TLN2: variants seen among roughly 807,000 people sequenced by gnomAD.
The protein encoded by TLN2 is talin-2.
TLN2 carries 118 observed loss-of-function variants against 294.7 expected under a neutral mutation model. That is an observed-to-expected ratio of 0.40 (90% confidence interval 0.34 to 0.47). The LOEUF (loss-of-function observed/expected upper bound fraction) is 0.47, where lower values mean the gene tolerates loss of function less well. TLN2 is among the 20% of genes least tolerant of loss of function. The pLI, the probability that TLN2 is intolerant of heterozygous loss-of-function variation, is 0.84. For synonymous variants in TLN2, 1,431 were observed against 1,304.5 expected (o/e 1.10, Z -2.09); for missense variants, 3,083 against 3,282.2 (o/e 0.94, Z 1.48).
At chr15:62,481,364 C>T (rs1255927084) in intron 1 of TLN2, among the ~76,000 whole-genome samples, 1 of 152,096 alleles carries the variant, frequency 6.6e-6, no homozygotes, top group Non-Finnish European at 1.5e-5. Context: ...ACTTGTGACC[C>T]CTTGTGTGTG....
chr15:62,464,317 G>A (rs2036984130), intron 1 of TLN2, among the ~76,000 whole-genome samples: 1 of 152,218 alleles, frequency 6.6e-6, no homozygotes, highest in South Asian at 2.1e-4. Flanking sequence ...GCAAACTATC[G>A]CAAGGACAGA....
chr15:62,764,103 G>T (rs1411700613), intron 40 of TLN2, among the ~76,000 whole-genome samples: 1 of 152,160 alleles, frequency 6.6e-6, no homozygotes, highest in Non-Finnish European at 1.5e-5. Context: ...GGCCAATTCA[G>T]CATTAAACGA....
chr15:62,739,510 C>A lies in TLN2; in HGVS notation c.3850C>A (p.Leu1284Ile), dbSNP rs1567499989. 4 of 1,614,166 alleles carry A rather than the reference C, an allele frequency of 2.5e-6. No homozygotes were observed. The highest frequency in any genetic ancestry group is 2.5e-6 in the Non-Finnish European group (3 of 1,180,030). ...GTTCAGTGATGATTTTGATGAATTC[C>A]TCGATGCTGGCATTGAGATGGCTGG... ...GKFSDDFDEFLDAGIEMAGQA... is the reference protein window; with the variant it reads ...GKFSDDFDEFIDAGIEMAGQA... Residue 1284 changes from leucine (L) to isoleucine (I), a missense_variant, in exon 31 of 59, where the codon CTC (leucine) becomes ATC (isoleucine). Transcript: ENST00000636159.
chr15:62,428,088 A>G (rs962445228), intron 1 of TLN2, among the ~76,000 whole-genome samples: 1 of 152,148 alleles, frequency 6.6e-6, no homozygotes, highest in Non-Finnish European at 1.5e-5. Flanking sequence ...CCCCTCCACA[A>G]TTCTGGTCTT....
rs936213429 is a variant in TLN2 at position 62,783,571 on chromosome 15, G to T, written c.5617-200G>T. Reference sequence around the variant, plus strand: ...CCCTGCGAGGGCTCTGGCCTTTTGTGTGCAATGCAGCATGGGCTTGGCTTG... The same window carrying T: ...CCCTGCGAGGGCTCTGGCCTTTTGTTTGCAATGCAGCATGGGCTTGGCTTG... On this transcript the variant is annotated intron_variant, in intron 44 of 58. Coordinates refer to ENST00000636159, the MANE Select transcript of TLN2 (RefSeq NM_015059.3). Among the ~76,000 whole-genome samples, 9 of 152,228 alleles carry T rather than the reference G, an allele frequency of 5.9e-5. No individual in the cohort carries two copies.
chr15:62,479,342 T>C (rs1359013774), intron 1 of TLN2, among the ~76,000 whole-genome samples: 4 of 152,240 alleles, frequency 2.6e-5, no homozygotes, highest in Non-Finnish European at 5.9e-5. Flanking sequence ...TTCAGAGCTA[T>C]GCCCTTAGAC....
intron 32 of TLN2, among the ~76,000 whole-genome samples, chr15:62,745,779 T>G (rs1444682871): frequency 6.6e-6 from 1 of 152,262 alleles, no homozygotes; most frequent in Non-Finnish European, 1.5e-5. Flanking sequence ...AACATAAATA[T>G]TGTTTTTCAT....
At chr15:62,554,515 A>G (rs564834836) in intron 1 of TLN2, among the ~76,000 whole-genome samples, 1 of 152,112 alleles carries the variant, frequency 6.6e-6, no homozygotes, top group Admixed American at 6.5e-5. Flanking sequence ...AAAACTCAGG[A>G]GAATTGTAGA....
intron 1 of TLN2, among the ~76,000 whole-genome samples, chr15:62,478,295 A>G (rs1182798991): frequency 2.0e-5 from 3 of 152,072 alleles, no homozygotes; most frequent in African/African-American, 7.2e-5. Context: ...TAGAAGTGGG[A>G]TTTTACAGCT....
chr15:62,641,893 A>G (rs1184379200), intron 3 of TLN2, among the ~76,000 whole-genome samples: 2 of 152,202 alleles, frequency 1.3e-5, no homozygotes, highest in Non-Finnish European at 1.5e-5. Context: ...ACAGGCATTT[A>G]TTTTGAAGAG....
intron 54 of TLN2, among the ~76,000 whole-genome samples, chr15:62,823,753 G>C (rs1181816503): frequency 6.6e-6 from 1 of 152,320 alleles, no homozygotes; most frequent in South Asian, 2.1e-4. Flanking sequence ...CGTTGAATCT[G>C]CTGTTCACCT....
intron 28 of TLN2, among the ~76,000 whole-genome samples, chr15:62,727,994 A>C (rs2060528273): frequency 6.6e-6 from 1 of 152,122 alleles, no homozygotes; most frequent in South Asian, 2.1e-4. Flanking sequence ...TAATATATGC[A>C]CAGAAGACAG....
At chr15:62,809,700 T>C (rs927931810) in intron 51 of TLN2, among the ~76,000 whole-genome samples, 59 of 152,222 alleles carry the variant, frequency 3.9e-4, no homozygotes, top group Non-Finnish European at 4.0e-4. Flanking sequence ...TTCTATCGTT[T>C]GGCCCCAGGG....
In TLN2 at chr15:62,513,270, C is replaced by T. The variant is rs2040022211; in HGVS notation, c.-237-76417C>T. ...CTGTGCTTTTCCTTTGCTTGCTGTG[C>T]CTGTCTACCTGTTGCCAGATGTTGA... On this transcript the variant is annotated intron_variant, in intron 1 of 58. Coordinates refer to ENST00000636159, the MANE Select transcript of TLN2 (RefSeq NM_015059.3). 1.3e-5 allele frequency among the ~76,000 whole-genome samples: 2 copies of T among 152,150 alleles called. 1 individual carries two copies. The highest frequency in any genetic ancestry group is 4.1e-4 in the South Asian group (2 of 4,826).
chr15:62,700,770 ATGATGAAACAT>A (rs567768428), intron 16 of TLN2, among the ~76,000 whole-genome samples: 23 of 152,346 alleles, frequency 1.5e-4, no homozygotes, highest in Admixed American at 2.6e-4. Context: ...GTGCAGTATT[ATGATGAAACAT>A]TGATTTTTCT....
At chr15:62,742,049 GTGTGTGTGTGTGTGTGTGTGT>G (rs1277932317) in intron 32 of TLN2, among the ~76,000 whole-genome samples, 3 of 149,546 alleles carry the variant, frequency 2.0e-5, no homozygotes, top group Non-Finnish European at 3.0e-5. Context: ...GTGTGTGTGT[GTGTGTGTGTGTGTGTGTGTGT>G]GTGTGAAGGG....
chr15:62,404,663 A>G (rs963687891), intron 1 of TLN2, among the ~76,000 whole-genome samples: 3 of 152,140 alleles, frequency 2.0e-5, no homozygotes, highest in African/African-American at 7.2e-5. Context: ...AAATGAGGCT[A>G]TTTCCCAAGT....
chr15:62,704,664 G>C (rs567130753), intron 19 of TLN2, among the ~76,000 whole-genome samples: 1 of 152,212 alleles, frequency 6.6e-6, no homozygotes, highest in South Asian at 2.1e-4. Flanking sequence ...ATGATGGGTG[G>C]TAGGAATATT....
chr15:62,439,429 C>T (rs1307616141), intron 1 of TLN2, among the ~76,000 whole-genome samples: 1 of 152,166 alleles, frequency 6.6e-6, no homozygotes, highest in Non-Finnish European at 1.5e-5. Flanking sequence ...TATCCTGCCT[C>T]AGCCTCCCAA....
Sources: gnomAD v4.1 joint callset for allele counts (sites outside exome capture counted in the v4.1 genomes callset) on GRCh38, gnomAD v4.1.1 for gene constraint, MANE v1.5 for transcripts, NCBI Gene and HGNC (gene_info 2026-07-23, HGNC 2026-07-21) for gene names.